The following TPST1 variants were observed in gnomAD, a reference collection of about 807,000 sequenced individuals.
TPST1 encodes tyrosylprotein sulfotransferase 1, also known as protein-tyrosine sulfotransferase 1.
Under a neutral mutation model 34.8 loss-of-function variants are expected in TPST1, and 20 were observed. That is an observed-to-expected ratio of 0.57 (90% CI 0.40 to 0.84). The LOEUF (loss-of-function observed/expected upper bound fraction) is 0.84, where lower values mean the gene tolerates loss of function less well. TPST1 is among the 40% of genes least tolerant of loss of function. The probability of loss-of-function intolerance (pLI) is 0.00; values close to 1 mark genes in which losing one functional copy is unlikely to be tolerated. For missense variants in TPST1, 353 were observed against 455.5 expected, an observed-to-expected ratio of 0.78 and a Z score of 2.05; for synonymous variants, 152 against 159.4, an observed-to-expected ratio of 0.95 and a Z score of 0.35.
chr7:66,319,496 A>G (rs1303568647), intron 3 of TPST1, among the ~76,000 whole-genome samples: 1 of 152,198 alleles, frequency 6.6e-6, no homozygotes, highest in Non-Finnish European at 1.5e-5. Flanking sequence ...CTTCATTGTC[A>G]GCCTGCTGTA....
At chr7:66,203,112 G>A (rs987392544), upstream of TPST1, among the ~76,000 whole-genome samples, 19 of 151,852 alleles carry the variant, frequency 1.3e-4, no homozygotes, top group African/African-American at 4.3e-4. Context: ...CAAAATTGCT[G>A]TCTACCATCT....
At chr7:66,261,894 T>C (rs987777660) in intron 2 of TPST1, among the ~76,000 whole-genome samples, 5 of 152,188 alleles carry the variant, frequency 3.3e-5, no homozygotes, top group African/African-American at 1.2e-4. Flanking sequence ...GCTATAAATG[T>C]GTGTTAGCTC....
intron 5 of TPST1, 28 bp downstream of exon 5, chr7:66,356,899 T>C (rs1792593376): frequency 6.2e-7 from 1 of 1,612,958 alleles, no homozygotes; most frequent in African/African-American, 1.3e-5. Context: ...TTGCCAGGTC[T>C]TTCTGTTTCC....
chr7:66,333,874 A>C (rs747809037), intron 3 of TPST1, among the ~76,000 whole-genome samples: 2 of 152,182 alleles, frequency 1.3e-5, no homozygotes, highest in Non-Finnish European at 2.9e-5. Context: ...TTCATGTCCA[A>C]CTTTTCAGAG....
intron 2 of TPST1, among the ~76,000 whole-genome samples, chr7:66,245,302 G>A (rs1305260565): frequency 6.6e-6 from 1 of 152,186 alleles, no homozygotes; most frequent in African/African-American, 2.4e-5. Context: ...AATACAGCAT[G>A]GGCAAGTGAG....
chr7:66,293,732 G>T (rs962785758), intron 3 of TPST1, among the ~76,000 whole-genome samples: 1 of 152,090 alleles, frequency 6.6e-6, no homozygotes, highest in Non-Finnish European at 1.5e-5. Context: ...CTTTCTTTCT[G>T]TAAATCTAAT....
intron 2 of TPST1, among the ~76,000 whole-genome samples, chr7:66,263,423 C>T (rs1790527966): frequency 6.6e-6 from 1 of 152,108 alleles, no homozygotes; most frequent in South Asian, 2.1e-4. Flanking sequence ...CTCAGTTTCT[C>T]ATACTAGTCT....
chr7:66,356,790 A>C, intron 4 of TPST1, 35 bp from the exon 5 acceptor site: 1 of 1,614,062 alleles, frequency 6.2e-7, no homozygotes, highest in South Asian at 1.1e-5. Flanking sequence ...GACCAACTTC[A>C]AGGACATTAA....
Position 66,359,888 on chromosome 7 carries a change from G to A in TPST1, c.*30-7G>A, listed in dbSNP as rs139675987. On this transcript the variant is annotated splice_region_variant and splice_polypyrimidine_tract_variant and intron_variant, in intron 5 of 5. Coordinates refer to ENST00000304842, the MANE Select transcript of TPST1 (RefSeq NM_003596.4). ...ACCTGTAACCACATTCTGTTTGTTC[G>A]CCCTAGGAAAGATTGCTGCCTTTTC... 9.5e-4 allele frequency: 436 copies of A among 456,652 alleles called. 1 individual carries two copies. Among genetic ancestry groups the A allele is most frequent in the African/African-American group, 7.0e-3 (349 of 50,200 alleles). The allele number at this position is 456,652 out of a possible 1,614,324, so 28.3% of individuals were successfully genotyped here. A position where few individuals can be genotyped will look rare whatever the true frequency, so the allele number is the denominator to read the frequency against.
rs539310512 is a variant in TPST1, at chr7:66,334,511, C to G, written c.1045-17994C>G. Among the ~76,000 whole-genome samples the G allele has an allele frequency of 2.1e-3, 312 of 151,866 alleles. 1 individual carries two copies. The highest frequency in any genetic ancestry group is 6.9e-3 in the African/African-American group (286 of 41,382). ...ATTAGCTGGGCATGGTGGTGGGTGCCTGTAATCCCAGCTACTCAGGAGGCT... is the reference window on the plus strand; with the variant it reads ...ATTAGCTGGGCATGGTGGTGGGTGCGTGTAATCCCAGCTACTCAGGAGGCT... On this transcript the variant is annotated intron_variant, in intron 3 of 5. Coordinates refer to ENST00000304842, the MANE Select transcript of TPST1 (RefSeq NM_003596.4).
chr7:66,212,030 T>C (rs747212989), intron 1 of TPST1, among the ~76,000 whole-genome samples: 25 of 152,202 alleles, frequency 1.6e-4, no homozygotes, highest in Non-Finnish European at 3.2e-4. Flanking sequence ...ATATAAATAT[T>C]ATTTGCTCTG....
At chr7:66,328,136 C>T (rs1394538411) in intron 3 of TPST1, among the ~76,000 whole-genome samples, 1 of 148,026 alleles carries the variant, frequency 6.8e-6, no homozygotes. Context: ...AAGCAATTCT[C>T]CTGCCTCAGC....
upstream of TPST1, among the ~76,000 whole-genome samples, chr7:66,204,077 G>A (rs28491091): frequency 6.6e-6 from 1 of 151,442 alleles, no homozygotes; most frequent in East Asian, 2.0e-4. Context: ...CTTTGGAGGC[G>A]GAGGCATGAG....
At chr7:66,309,833 AT>A (rs34190132) in intron 3 of TPST1, among the ~76,000 whole-genome samples, 101,079 of 151,822 alleles carry the variant, frequency 0.67, 34,007 homozygotes, top group African/African-American at 0.76. Flanking sequence ...ACATAAGGAG[AT>A]TTTTTTTTAA....
chr7:66,301,039 A>G (rs10246941), intron 3 of TPST1, among the ~76,000 whole-genome samples: 5,918 of 152,236 alleles, frequency 0.039, 382 homozygotes, highest in African/African-American at 0.13. Flanking sequence ...CAAGCATGAA[A>G]ACAGCATTCA....
At chr7:66,325,712 C>T (rs1394627556) in intron 3 of TPST1, among the ~76,000 whole-genome samples, 4 of 151,996 alleles carry the variant, frequency 2.6e-5, no homozygotes, top group Non-Finnish European at 5.9e-5. Flanking sequence ...CTTGGCTTAC[C>T]GCAACCTGTG....
intron 3 of TPST1, among the ~76,000 whole-genome samples, chr7:66,309,967 A>G (rs1791499169): frequency 1.3e-5 from 2 of 152,206 alleles, no homozygotes; most frequent in Non-Finnish European, 2.9e-5. Context: ...TGAGATACAG[A>G]AAGAATAGGG....
At chr7:66,262,847 C>T (rs1403414930) in intron 2 of TPST1, among the ~76,000 whole-genome samples, 1 of 152,110 alleles carries the variant, frequency 6.6e-6, no homozygotes, top group African/African-American at 2.4e-5. Flanking sequence ...CCTGTAATCC[C>T]AGCACTTTGG....
intron 1 of TPST1, among the ~76,000 whole-genome samples, chr7:66,216,861 A>G (rs1789423587): frequency 6.6e-6 from 1 of 152,246 alleles, no homozygotes; most frequent in Non-Finnish European, 1.5e-5. Context: ...AAATTCCCTC[A>G]TAGCACTGCT....
Sources: allele counts gnomAD v4.1 joint callset (sites outside exome capture counted in the v4.1 genomes callset), GRCh38; gene constraint gnomAD v4.1.1; transcripts MANE v1.5; gene names NCBI Gene and HGNC (gene_info 2026-07-23, HGNC 2026-07-21).